Variants in ANO2 observed in about 807,000 individuals in gnomAD.
ANO2 encodes anoctamin 2.
A neutral mutation model predicts 124.2 loss-of-function variants in ANO2; 101 were observed. The observed-to-expected ratio is 0.81, with a 90% confidence interval of 0.69 to 0.96. The LOEUF is 0.96. Ranked by LOEUF, ANO2 falls within the 40% of genes least tolerant of loss-of-function variation. The pLI, the probability that ANO2 is intolerant of heterozygous loss-of-function variation, is 0.00. For missense variants in ANO2, 1,293 were observed against 1,274.5 expected (o/e 1.01, Z -0.22); for synonymous variants, 486 against 482.5 (o/e 1.01, Z -0.09).
intron 10 of ANO2, among the ~76,000 whole-genome samples, chr12:5,776,400 T>C (rs149006490): frequency 5.9e-5 from 9 of 152,350 alleles, no homozygotes; most frequent in Non-Finnish European, 1.0e-4. Context: ...CTTGGCTTCA[T>C]TGAAAGTACC....
At chr12:5,716,981 A>C (rs951248851) in intron 14 of ANO2, among the ~76,000 whole-genome samples, 7 of 152,280 alleles carry the variant, frequency 4.6e-5, no homozygotes, top group Non-Finnish European at 8.8e-5. Flanking sequence ...ATGTGGCATC[A>C]GAATGCTGGA....
chr12:5,707,988 C>T (rs1036732218), intron 14 of ANO2, among the ~76,000 whole-genome samples: 1 of 152,182 alleles, frequency 6.6e-6, no homozygotes, highest in African/African-American at 2.4e-5. Context: ...ATGACTTCTC[C>T]ACATGGATAT....
rs574370107 is a variant in ANO2 at position 5,608,683 on chromosome 12, T to G, written c.2087+3973A>C. 2.0e-5 allele frequency: 3 copies of G among 152,332 alleles called. No homozygotes were observed. The East Asian group carries it at 5.8e-4, about 29-fold the overall frequency. The allele number at this position is 152,332 out of a possible 1,614,324, so 9.4% of individuals were successfully genotyped here. A position where few individuals can be genotyped will look rare whatever the true frequency, so the allele number is the denominator to read the frequency against. ...CCATTGTTTAAAGGGTGGCATATTT[T>G]AAAACATACAAAGTATTAAGCACAC... On this transcript the variant is annotated intron_variant, in intron 19 of 24. Transcript: ENST00000682330.
intron 15 of ANO2, among the ~76,000 whole-genome samples, chr12:5,639,154 C>G (rs958936708): frequency 6.6e-6 from 1 of 152,100 alleles, no homozygotes; most frequent in Non-Finnish European, 1.5e-5. Flanking sequence ...GAAGAACTTT[C>G]CAGAAAAGGG....
At chr12:5,575,637 C>T (rs908398145) in intron 23 of ANO2, among the ~76,000 whole-genome samples, 197 bp downstream of exon 23, 4 of 152,062 alleles carry the variant, frequency 2.6e-5, no homozygotes, top group African/African-American at 7.2e-5. Context: ...ATTTGTGTAC[C>T]TAAATATATC....
intron 1 of ANO2, among the ~76,000 whole-genome samples, chr12:5,931,314 T>A (rs1344826956): frequency 6.6e-6 from 1 of 152,006 alleles, no homozygotes; most frequent in African/African-American, 2.4e-5. Context: ...AAATGACCAT[T>A]CTTTGGGAGG....
chr12:5,679,021 C>T (rs1053061464), intron 14 of ANO2, among the ~76,000 whole-genome samples: 6 of 152,160 alleles, frequency 3.9e-5, no homozygotes, highest in African/African-American at 9.7e-5. Context: ...AATCTGAACT[C>T]GGCATAAGCC....
chr12:5,763,243 A>T (rs1166844735), intron 10 of ANO2, among the ~76,000 whole-genome samples: 5 of 152,092 alleles, frequency 3.3e-5, no homozygotes. Context: ...CATGGAAAGT[A>T]CTGTCAAATA....
chr12:5,565,079 G>C (rs775840469), intron 24 of ANO2, among the ~76,000 whole-genome samples: 8 of 152,076 alleles, frequency 5.3e-5, no homozygotes, highest in Non-Finnish European at 1.2e-4. Flanking sequence ...GGGATGGCTC[G>C]ATGGCTCTGG....
intron 4 of ANO2, among the ~76,000 whole-genome samples, chr12:5,849,907 G>A (rs890943304): frequency 6.6e-6 from 1 of 152,034 alleles, no homozygotes; most frequent in Non-Finnish European, 1.5e-5. Context: ...CTCAACACTA[G>A]CCCTCCACAG....
At chr12:5,942,047 A>G (rs1265618773) in intron 1 of ANO2, among the ~76,000 whole-genome samples, 3 of 151,856 alleles carry the variant, frequency 2.0e-5, no homozygotes, top group African/African-American at 7.2e-5. Flanking sequence ...AGGATAACAA[A>G]TGGAAATGCG....
intron 14 of ANO2, among the ~76,000 whole-genome samples, chr12:5,662,007 G>T (rs576118968): frequency 6.6e-6 from 1 of 152,322 alleles, no homozygotes; most frequent in South Asian, 2.1e-4. Context: ...TCGCCAACTG[G>T]CTCCCATGGC....
intron 4 of ANO2, among the ~76,000 whole-genome samples, chr12:5,838,814 T>A (rs975824916): frequency 6.6e-6 from 1 of 152,214 alleles, no homozygotes; most frequent in East Asian, 1.9e-4. Flanking sequence ...CAACAAACCA[T>A]GGACTTACGG....
At chr12:5,939,978 C>T (rs1942828830) in intron 1 of ANO2, among the ~76,000 whole-genome samples, 1 of 152,192 alleles carries the variant, frequency 6.6e-6, no homozygotes, top group South Asian at 2.1e-4. Flanking sequence ...CCACATTTAT[C>T]TCCCCAAGTA....
chr12:5,856,498 C>T (rs546241092), intron 3 of ANO2: 1 of 152,250 alleles, frequency 6.6e-6, no homozygotes, highest in Admixed American at 6.5e-5. Context: ...GACCACATCT[C>T]CCTTGCAATG....
chr12:5,729,332 A>G (rs1377055297), intron 14 of ANO2, among the ~76,000 whole-genome samples: 2 of 152,190 alleles, frequency 1.3e-5, no homozygotes, highest in African/African-American at 4.8e-5. Context: ...AATTAACCCA[A>G]TATTTTTAAG....
At chr12:5,892,558 A>G (rs1939487604) in intron 3 of ANO2, among the ~76,000 whole-genome samples, 1 of 152,232 alleles carries the variant, frequency 6.6e-6, no homozygotes, top group Non-Finnish European at 1.5e-5. Context: ...CATTACTTAC[A>G]GGAAAATAGT....
intron 14 of ANO2, among the ~76,000 whole-genome samples, chr12:5,714,726 A>G (rs546153156): frequency 2.0e-5 from 3 of 152,282 alleles, no homozygotes; most frequent in Admixed American, 2.0e-4. Context: ...AGACACGATT[A>G]AGAATTTACA....
chr12:5,779,166 G>C (rs1410115685), intron 10 of ANO2, among the ~76,000 whole-genome samples: 1 of 152,180 alleles, frequency 6.6e-6, no homozygotes, highest in Non-Finnish European at 1.5e-5. Context: ...CTGATTAATT[G>C]TGAAAATTTA....
Sources: gnomAD v4.1 joint callset for allele counts (sites outside exome capture counted in the v4.1 genomes callset) on GRCh38, gnomAD v4.1.1 for gene constraint, MANE v1.5 for transcripts, NCBI Gene and HGNC (gene_info 2026-07-23, HGNC 2026-07-21) for gene names.